Variants in SMOC2 observed in about 807,000 individuals in gnomAD.
SMOC2 encodes the protein SPARC-related modular calcium-binding protein 2.
A neutral mutation model predicts 61.4 loss-of-function variants in SMOC2; 39 were observed. The observed-to-expected ratio is 0.64, with a 90% CI of 0.49 to 0.83. The LOEUF is 0.83. SMOC2 is among the 40% of genes least tolerant of loss of function. The pLI, the probability that SMOC2 is intolerant of heterozygous loss-of-function variation, is 0.00. For synonymous variants in SMOC2, 247 were observed against 239.9 expected (o/e 1.03, Z -0.27); for missense variants, 556 against 592.9 (o/e 0.94, Z 0.65).
intron 9 of SMOC2, among the ~76,000 whole-genome samples, chr6:168,642,624 A>G (rs925035577): frequency 5.9e-5 from 9 of 152,170 alleles, no homozygotes; most frequent in Non-Finnish European, 1.2e-4. Flanking sequence ...AGTGTTCCCC[A>G]TATCAGGGGC....
chr6:168,483,280 C>T (rs1782253574), intron 1 of SMOC2, among the ~76,000 whole-genome samples: 1 of 151,902 alleles, frequency 6.6e-6, no homozygotes, highest in African/African-American at 2.4e-5. Flanking sequence ...AAATCAATTG[C>T]ACTTCTGTAC....
At chr6:168,590,701 T>C (rs1396412128) in intron 7 of SMOC2, among the ~76,000 whole-genome samples, 1 of 152,228 alleles carries the variant, frequency 6.6e-6, no homozygotes, top group African/African-American at 2.4e-5. Context: ...TAAAAATGCT[T>C]TAGGCGTCGT....
intron 2 of SMOC2, among the ~76,000 whole-genome samples, chr6:168,513,814 T>C (rs1476785414): frequency 6.6e-6 from 1 of 152,190 alleles, no homozygotes; most frequent in African/African-American, 2.4e-5. Context: ...TCAGGGACTG[T>C]GTAAGAATCT....
At chr6:168,658,518 C>T (rs1207593871) in intron 11 of SMOC2, among the ~76,000 whole-genome samples, 4 of 152,090 alleles carry the variant, frequency 2.6e-5, no homozygotes, top group Admixed American at 6.5e-5. Context: ...ACGTAAGCCA[C>T]GCATGGCTTC....
intron 11 of SMOC2, among the ~76,000 whole-genome samples, chr6:168,658,069 G>A (rs139612375): frequency 1.6e-3 from 239 of 152,272 alleles, no homozygotes; most frequent in African/African-American, 5.5e-3. Flanking sequence ...CCTACAAGCA[G>A]GGTCCACATG....
chr6:168,650,667 C>T lies in SMOC2; in HGVS notation c.908-14C>T, dbSNP rs969735114. 1.9e-6 allele frequency: 3 copies of T among 1,608,066 alleles called. No individual in the cohort carries two copies. The highest frequency in any genetic ancestry group is 2.6e-6 in the Non-Finnish European group (3 of 1,175,182). ...TTTATGAGTTAATTATGAAAACATA[C>T]ACGTGTTTTTCAGGTTGTCCGGGTG... is the stretch of plus-strand genomic sequence containing the variant. On this transcript the variant is annotated splice_polypyrimidine_tract_variant and intron_variant, in intron 9 of 12. Transcript: ENST00000356284.
At chr6:168,517,334 C>T (rs1471723137) in intron 2 of SMOC2, among the ~76,000 whole-genome samples, 3 of 152,222 alleles carry the variant, frequency 2.0e-5, no homozygotes, top group Non-Finnish European at 4.4e-5. Flanking sequence ...TTTGGGGTGG[C>T]ACCTTCCCAG....
chr6:168,601,639 G>A (rs1785557396), intron 8 of SMOC2, among the ~76,000 whole-genome samples: 1 of 152,292 alleles, frequency 6.6e-6, no homozygotes, highest in African/African-American at 2.4e-5. Flanking sequence ...CCAGCCCCCA[G>A]TGAGGCCCCT....
chr6:168,598,972 C>G lies in SMOC2; in HGVS notation c.792C>G (p.Asp264Glu), dbSNP rs747716028. 15 of 1,611,690 alleles carry G rather than the reference C, an allele frequency of 9.3e-6. No individual in the cohort carries two copies. Among genetic ancestry groups the G allele is most frequent in the Middle Eastern group, 1.6e-4 (1 of 6,062 alleles). The stretch of plus-strand genomic sequence containing the variant: ...GGTACTGCTGGTGCGTCCTGGTGGA[C>G]ACGGGGCGCCCCATTCCCGGCACAT... Reference protein sequence around the residue: ...STGYCWCVLVDTGRPIPGTST... With the variant: ...STGYCWCVLVETGRPIPGTST... Residue 264 changes from aspartate to glutamate, a missense_variant, in exon 8 of 13, where the codon GAC becomes GAG. Asp to Glu is a conservative substitution (Grantham distance 45, BLOSUM62 2). Coordinates refer to ENST00000356284, the MANE Select transcript of SMOC2 (RefSeq NM_001166412.2).
At chr6:168,619,811 G>A (rs998174862) in intron 9 of SMOC2, among the ~76,000 whole-genome samples, 8 of 152,206 alleles carry the variant, frequency 5.3e-5, no homozygotes, top group Non-Finnish European at 1.2e-4. Context: ...GCCTGGAGTC[G>A]GAAGGTCTCC....
At chr6:168,518,571 GAC>G (rs1308430360) in intron 2 of SMOC2, among the ~76,000 whole-genome samples, 3 of 149,334 alleles carry the variant, frequency 2.0e-5, no homozygotes, top group Admixed American at 6.8e-5. Context: ...GCATGTATGT[GAC>G]AATGCATGTA....
intron 4 of SMOC2, among the ~76,000 whole-genome samples, chr6:168,533,285 G>A (rs758241284): frequency 1.3e-5 from 2 of 152,068 alleles, no homozygotes; most frequent in Admixed American, 6.5e-5. Context: ...TCTTGGAGTC[G>A]CATGAATCTC....
intron 1 of SMOC2, among the ~76,000 whole-genome samples, chr6:168,482,946 T>C (rs1004615933): frequency 1.3e-5 from 2 of 152,000 alleles, no homozygotes; most frequent in Admixed American, 6.6e-5. Flanking sequence ...TTGTAAACAT[T>C]ATATTAAATG....
At chr6:168,656,525 A>G (rs2342895) in intron 11 of SMOC2, among the ~76,000 whole-genome samples, 21 of 140,446 alleles carry the variant, frequency 1.5e-4, no homozygotes, top group African/African-American at 4.6e-4. Context: ...AAAAAAAAAA[A>G]AAAAAGAAAA....
chr6:168,613,077 T>C (rs1785927610), intron 9 of SMOC2, among the ~76,000 whole-genome samples: 1 of 152,202 alleles, frequency 6.6e-6, no homozygotes, highest in African/African-American at 2.4e-5. Flanking sequence ...AGACTGGCTT[T>C]CCTCTGGGCG....
chr6:168,625,466 T>A (rs1427924532), intron 9 of SMOC2, among the ~76,000 whole-genome samples: 1 of 152,230 alleles, frequency 6.6e-6, no homozygotes, highest in African/African-American at 2.4e-5. Context: ...TCAGCTCAAA[T>A]GCCCCGCATG....
At chr6:168,530,637 A>ACCCCCCCCCCCCCCCCC (rs3064057) in intron 4 of SMOC2, among the ~76,000 whole-genome samples, 13 of 120,188 alleles carry the variant, frequency 1.1e-4, no homozygotes, top group African/African-American at 3.3e-4. Flanking sequence ...TCACGGTGCA[A>ACCCCCCCCCCCCCCCCC]CCCCCCCCCC....
intron 2 of SMOC2, among the ~76,000 whole-genome samples, chr6:168,514,702 G>A: frequency 6.9e-6 from 1 of 145,648 alleles, no homozygotes; most frequent in African/African-American, 2.6e-5. Flanking sequence ...AAGCGCTGTA[G>A]AAGTGGGGAG....
chr6:168,637,651 A>T (rs73242477), intron 9 of SMOC2, among the ~76,000 whole-genome samples: 1,920 of 152,304 alleles, frequency 0.013, 36 homozygotes, highest in African/African-American at 0.044. Flanking sequence ...GTAACATTTC[A>T]TAGAGTCCAC....
Sources: gnomAD v4.1 joint callset for allele counts (sites outside exome capture counted in the v4.1 genomes callset) on GRCh38, gnomAD v4.1.1 for gene constraint, MANE v1.5 for transcripts, NCBI Gene and HGNC (gene_info 2026-07-23, HGNC 2026-07-21) for gene names.